Variants in CENPH observed in about 807,000 individuals in gnomAD.
CENPH encodes centromere protein H, also known as CENP-H.
Under a neutral mutation model 42.9 loss-of-function variants are expected in CENPH, and 40 were observed. That is an observed-to-expected ratio of 0.93 (90% CI 0.72 to 1.21). The LOEUF (loss-of-function observed/expected upper bound fraction) is 1.21. CENPH is among the 50% of genes most tolerant of loss of function. CENPH has a pLI of 0.00. For synonymous variants in CENPH, 88 were observed against 96.5 expected, an observed-to-expected ratio of 0.91 and a Z score of 0.52; for missense variants, 302 against 292.9, an observed-to-expected ratio of 1.03 and a Z score of -0.23.
intron 5 of CENPH, among the ~76,000 whole-genome samples, chr5:69,198,661 A>G (rs962125807): frequency 6.6e-6 from 1 of 152,192 alleles, no homozygotes; most frequent in African/African-American, 2.4e-5. Flanking sequence ...GCTTGGGTAC[A>G]GAGGCTCATG....
chr5:69,192,872 G>A (rs1172497524), intron 2 of CENPH, among the ~76,000 whole-genome samples: 2 of 152,042 alleles, frequency 1.3e-5, no homozygotes, highest in Admixed American at 6.6e-5. Flanking sequence ...CGAGGTGGGC[G>A]GATCACCTGA....
intron 5 of CENPH, among the ~76,000 whole-genome samples, chr5:69,202,095 A>G (rs1196725252): frequency 6.6e-6 from 1 of 152,220 alleles, no homozygotes; most frequent in Non-Finnish European, 1.5e-5. Context: ...TAAAAAATAC[A>G]TTCAAAACAA....
intron 5 of CENPH, among the ~76,000 whole-genome samples, chr5:69,197,913 CTTTTTTTTTTTTTTTTTT>C (rs1172938522): frequency 6.7e-5 from 5 of 74,130 alleles, no homozygotes; most frequent in Non-Finnish European, 1.2e-4. Context: ...TACCTATGAT[CTTTTTTTTTTTTTTTTTT>C]TTTTTTTTTG....
chr5:69,195,925 A>C, intron 4 of CENPH, 134 bp downstream of exon 4: 1 of 569,708 alleles, frequency 1.8e-6, no homozygotes. Context: ...GGTCACACAA[A>C]ATTTTTATTT....
intron 8 of CENPH, among the ~76,000 whole-genome samples, chr5:69,209,293 C>CG (rs1748209818): frequency 6.6e-6 from 1 of 151,720 alleles, no homozygotes; most frequent in African/African-American, 2.4e-5. Context: ...GAGGCCAAGG[C>CG]GGGTGGATCA....
intron 7 of CENPH, among the ~76,000 whole-genome samples, chr5:69,203,621 G>A (rs1379494729): frequency 1.3e-5 from 2 of 151,838 alleles, no homozygotes; most frequent in African/African-American, 2.4e-5. Context: ...CACCTGCCTC[G>A]GCCTCTCAAA....
chr5:69,191,923 C>A, intron 2 of CENPH, 73 bp downstream of exon 2: 1 of 880,146 alleles, frequency 1.1e-6, no homozygotes, highest in South Asian at 1.4e-5. Context: ...GTCTTGCTAT[C>A]ACCCAGGCTG....
At chr5:69,195,090 G>A (rs1439294211) in intron 3 of CENPH, among the ~76,000 whole-genome samples, 5 of 152,070 alleles carry the variant, frequency 3.3e-5, no homozygotes, top group African/African-American at 7.2e-5. Context: ...TTAGCCGGGC[G>A]TGATGGCACA....
intron 2 of CENPH, among the ~76,000 whole-genome samples, chr5:69,193,045 C>T (rs771951464): frequency 2.6e-5 from 4 of 151,644 alleles, no homozygotes; most frequent in South Asian, 2.1e-4. Context: ...TGCAGTGACG[C>T]GAGATCACGC....
chr5:69,197,163 T>C, intron 5 of CENPH, 54 bp downstream of exon 5: 1 of 1,145,998 alleles, frequency 8.7e-7, no homozygotes, highest in Non-Finnish European at 1.2e-6. Flanking sequence ...CATAGTGACT[T>C]TAGTTTTGTG....
chr5:69,191,078 TAG>T (rs1472896115), intron 1 of CENPH, among the ~76,000 whole-genome samples: 1 of 152,328 alleles, frequency 6.6e-6, no homozygotes, highest in African/African-American at 2.4e-5. Flanking sequence ...CTATATGAAT[TAG>T]TAATCCAAGG....
chr5:69,199,440 T>A (rs1241726771), intron 5 of CENPH, among the ~76,000 whole-genome samples: 2 of 152,134 alleles, frequency 1.3e-5, no homozygotes, highest in Admixed American at 1.3e-4. Context: ...CCTTCCAAAG[T>A]GCTGAGATTA....
intron 5 of CENPH, among the ~76,000 whole-genome samples, chr5:69,198,270 C>T (rs1253196334): frequency 6.6e-6 from 1 of 151,920 alleles, no homozygotes; most frequent in African/African-American, 2.4e-5. Context: ...ATATCCCCTT[C>T]CCTTGAGCAC....
chr5:69,206,327 G>A (rs113971617), intron 7 of CENPH, among the ~76,000 whole-genome samples: 22,990 of 150,004 alleles, frequency 0.15, 1,895 homozygotes, highest in African/African-American at 0.21. Flanking sequence ...GATTACAAGC[G>A]CCCGCCACCA....
intron 2 of CENPH, 47 bp downstream of exon 2, chr5:69,191,897 GT>G: frequency 5.2e-6 from 6 of 1,143,608 alleles, no homozygotes; most frequent in East Asian, 2.4e-5. Context: ...TTGTTTGTTT[GT>G]TTTTTTGAGA....
At position 69,209,721 on chromosome 5, in the gene CENPH, G is replaced by T. The variant is rs1387126140; in HGVS notation, c.666G>T (p.Gly222=). 6.3e-7 allele frequency: 1 copy of T among 1,593,238 alleles called. No homozygotes were observed. The highest frequency in any genetic ancestry group is 8.6e-7 in the Non-Finnish European group (1 of 1,164,820). ...TTTCTTTACAGAACCTTATTTTGGG[G>T]AGTAAAGTCAATTGGGCAGAGGATC... ...IQHVFQNLIL[G]SKVNWAEDPA... The change falls in exon 9 of 9, where the codon GGG becomes GGT. Residue 222 remains glycine, a synonymous_variant. Coordinates refer to ENST00000283006, the MANE Select transcript of CENPH (RefSeq NM_022909.4).
chr5:69,197,241 A>T, intron 5 of CENPH, 132 bp downstream of exon 5: 1 of 486,472 alleles, frequency 2.1e-6, no homozygotes, highest in Non-Finnish European at 3.6e-6. Context: ...AAATTTTTGT[A>T]GGTCCTCCCC....
At chr5:69,192,984 T>C (rs1747901367) in intron 2 of CENPH, among the ~76,000 whole-genome samples, 1 of 93,082 alleles carries the variant, frequency 1.1e-5, no homozygotes, top group African/African-American at 5.2e-5. Flanking sequence ...TAAGCTCAGC[T>C]ACTCGGGGAG....
chr5:69,209,395 G>A (rs560339200), intron 8 of CENPH, among the ~76,000 whole-genome samples: 62 of 152,084 alleles, frequency 4.1e-4, no homozygotes, highest in South Asian at 1.2e-3. Context: ...AAAATTAGCC[G>A]GGTGTGGTGG....
Sources: allele counts gnomAD v4.1 joint callset (sites outside exome capture counted in the v4.1 genomes callset), GRCh38; gene constraint gnomAD v4.1.1; transcripts MANE v1.5; gene names NCBI Gene and HGNC (gene_info 2026-07-23, HGNC 2026-07-21).